The following RADIL variants were observed in gnomAD, a reference collection of about 807,000 sequenced individuals.
RADIL encodes Rap associating with DIL domain.
Under a neutral mutation model 97.6 loss-of-function variants are expected in RADIL, and 99 were observed. The observed-to-expected ratio is 1.01, with a 90% CI of 0.86 to 1.20. The LOEUF is 1.20. RADIL is among the 50% of genes most tolerant of loss of function. The pLI is 0.00. For synonymous variants in RADIL, 803 were observed against 691.8 expected, an observed-to-expected ratio of 1.16 and a Z score of -2.52; for missense variants, 1,765 against 1,498.9, an observed-to-expected ratio of 1.18 and a Z score of -2.93.
rs1783789256 is a variant in RADIL, at chr7:4,854,800, A to C, written c.536-18195T>G. Among the ~76,000 whole-genome samples the C allele has an allele frequency of 6.6e-6, 1 of 152,220 alleles. No homozygotes were observed. The highest frequency in any genetic ancestry group is 2.4e-5 in the African/African-American group (1 of 41,450). On this transcript the variant is annotated intron_variant, in intron 2 of 14. Coordinates refer to ENST00000399583, the MANE Select transcript of RADIL (RefSeq NM_018059.5). The surrounding 1 kb of genome is among the most constrained non-coding windows in gnomAD (Gnocchi z 5.1). ...TGTAACTTAGACTAATAACAAAATA[A>C]ACACCATTTCATCCACCACCCAACC...
intron 14 of RADIL, 66 bp from the exon 15 acceptor site, chr7:4,799,549 G>C: frequency 6.2e-7 from 1 of 1,611,850 alleles, no homozygotes; most frequent in Non-Finnish European, 8.5e-7. Flanking sequence ...GGGTGCAGCC[G>C]GGCCTCTCCT....
At chr7:4,810,704 C>T (rs1452084357) in intron 9 of RADIL, among the ~76,000 whole-genome samples, 6 of 152,194 alleles carry the variant, frequency 3.9e-5, no homozygotes, top group African/African-American at 9.7e-5. Flanking sequence ...CTTCAGCTGA[C>T]GCTGCCAGAC....
intron 2 of RADIL, chr7:4,861,387 C>A (rs1362725934): frequency 6.2e-7 from 1 of 1,614,082 alleles, no homozygotes; most frequent in African/African-American, 1.3e-5. Flanking sequence ...TTCACTTCCT[C>A]CTGTAGTTTC....
At chr7:4,827,969 T>C (rs1290556645) in intron 5 of RADIL, among the ~76,000 whole-genome samples, 2 of 151,320 alleles carry the variant, frequency 1.3e-5, no homozygotes, top group Non-Finnish European at 2.9e-5. Flanking sequence ...AAATCCTAAT[T>C]AAAAGATCAA....
chr7:4,861,890 G>T, intron 2 of RADIL: 1 of 1,044,260 alleles, frequency 9.6e-7, no homozygotes. Context: ...GATCCGCTGA[G>T]GCGGAAGGGC....
At chr7:4,869,017 T>C (rs1022422342) in intron 2 of RADIL, among the ~76,000 whole-genome samples, 1 of 152,134 alleles carries the variant, frequency 6.6e-6, no homozygotes, top group Admixed American at 6.6e-5. Context: ...ATCCCAGCTA[T>C]TCAGGAGGCT....
rs1385081309 is a variant in RADIL, at chr7:4,842,219, G to T, written c.536-5614C>A. 6.6e-6 allele frequency among the ~76,000 whole-genome samples: 1 copy of T among 152,154 alleles called. No individual in the cohort carries two copies. The highest frequency in any genetic ancestry group is 1.5e-5 in the Non-Finnish European group (1 of 68,020). Reference sequence around the variant, plus strand: ...GGGCGCCGGGGCAATGGGGAAGATGGGGATGGGACGGTCGTTGTTGACATC... The same window carrying T: ...GGGCGCCGGGGCAATGGGGAAGATGTGGATGGGACGGTCGTTGTTGACATC... On this transcript the variant is annotated intron_variant, in intron 2 of 14. Coordinates refer to ENST00000399583, the MANE Select transcript of RADIL (RefSeq NM_018059.5). The surrounding 1 kb of genome is among the most constrained non-coding windows in gnomAD (Gnocchi z 4.5).
At position 4,878,204 on chromosome 7, in the gene RADIL, C is replaced by T; in HGVS notation, c.-64-1G>A. 1.4e-6 allele frequency: 2 copies of T among 1,438,170 alleles called. No homozygotes were observed. The highest frequency in any genetic ancestry group is 1.8e-6 in the Non-Finnish European group (2 of 1,091,762). 89.1% of individuals were successfully genotyped at this position (1,438,170 alleles called of 1,614,324 possible). A position where few individuals can be genotyped will look rare whatever the true frequency, so the allele number is the denominator to read the frequency against. ...CCAAAGGATGTGGGGAGGCCGTGAC[C>T]TGGGTGAAAAAGTGAGAGAGGTTAG... On this transcript the variant is annotated splice_acceptor_variant, in intron 1 of 14. Transcript: ENST00000399583. LOFTEE classifies it low-confidence loss of function (5UTR_SPLICE). The surrounding 1 kb of genome is among the most constrained non-coding windows in gnomAD (Gnocchi z 4.1).
Position 4,817,259 on chromosome 7 carries a change from A to G in RADIL, c.1708T>C (p.Cys570Arg). ...TGCACCTTGGAGACATAGTAGACGC[A>G]CTGCTGGAAGGCGTACAGCACCACC... ...EEVVLYAFQQ[C>R]VYYVSKSLYI... is the part of the protein sequence containing the mutation. Residue 570 changes from cysteine to arginine, a missense_variant, in exon 7 of 15, where the codon TGC (cysteine) becomes CGC (arginine). Transcript: ENST00000399583. The surrounding 1 kb of genome is among the most constrained non-coding windows in gnomAD (Gnocchi z 8.3). 6.2e-7 allele frequency: 1 copy of G among 1,612,294 alleles called. No homozygotes were observed. Among genetic ancestry groups the G allele is most frequent in the Non-Finnish European group, 8.5e-7 (1 of 1,179,428 alleles).
chr7:4,848,719 T>C (rs1037067266), intron 2 of RADIL, among the ~76,000 whole-genome samples: 1 of 152,000 alleles, frequency 6.6e-6, no homozygotes, highest in Non-Finnish European at 1.5e-5. Context: ...GATCGGGCAA[T>C]AGGAATTGGA....
In RADIL at chr7:4,835,188, T is replaced by G. The variant is rs992039335; in HGVS notation, c.835A>C (p.Thr279Pro). 6.2e-7 allele frequency: 1 copy of G among 1,610,936 alleles called. No homozygotes were observed. The highest frequency in any genetic ancestry group is 8.5e-7 in the Non-Finnish European group (1 of 1,179,536). Residue 279 changes from threonine (T) to proline (P), a missense_variant, in exon 4 of 15, where the codon ACC becomes CCC. By Grantham distance (38) the Thr-to-Pro change is conservative. Transcript: ENST00000399583. This position sits in a 1 kb window ranked among gnomAD's most constrained non-coding sequence, Gnocchi z 5.8. ...CTGATGCTGGGCTTGCTGGAGGGGG[T>G]CCGCTGGCCCACCGTGTGCCGGTCC... is the stretch of plus-strand genomic sequence containing the variant. Reference protein sequence around the residue: ...NRDRHTVGQRTPSSKPSISLS... With the variant: ...NRDRHTVGQRPPSSKPSISLS...
chr7:4,841,143 T>G (rs1783429114), intron 2 of RADIL, among the ~76,000 whole-genome samples: 1 of 152,246 alleles, frequency 6.6e-6, no homozygotes, highest in Non-Finnish European at 1.5e-5. Context: ...ACCTCCAGGC[T>G]GCAAGCCAGA....
chr7:4,876,827 G>T (rs941983268), intron 2 of RADIL, among the ~76,000 whole-genome samples: 1 of 152,158 alleles, frequency 6.6e-6, no homozygotes, highest in Admixed American at 6.5e-5. Flanking sequence ...ACAGACCCGC[G>T]GTACGCTGAG....
chr7:4,829,872 C>A (rs754806406), intron 5 of RADIL, among the ~76,000 whole-genome samples: 5 of 152,158 alleles, frequency 3.3e-5, no homozygotes, highest in Admixed American at 6.5e-5. Flanking sequence ...AACCTGTTTC[C>A]TTTATAAATT....
chr7:4,880,502 A>G lies in RADIL; in HGVS notation c.-64-2299T>C, dbSNP rs1246057718. ...AATCACAGAACAAAACCCCTCAAAGAGCCTCTCCAGCCGGCACTTATTAAC... is the reference window on the plus strand; with the variant it reads ...AATCACAGAACAAAACCCCTCAAAGGGCCTCTCCAGCCGGCACTTATTAAC... On this transcript the variant is annotated intron_variant, in intron 1 of 14. Transcript: ENST00000399583. This position sits in a 1 kb window ranked among gnomAD's most constrained non-coding sequence, Gnocchi z 4.5. 6.6e-6 allele frequency among the ~76,000 whole-genome samples: 1 copy of G among 152,132 alleles called. No individual in the cohort carries two copies. Among genetic ancestry groups the G allele is most frequent in the Non-Finnish European group, 1.5e-5 (1 of 68,028 alleles).
At position 4,872,178 on chromosome 7, in the gene RADIL, G is replaced by A. The variant is rs1784271995; in HGVS notation, c.535+5427C>T. On this transcript the variant is annotated intron_variant, in intron 2 of 14. Coordinates refer to ENST00000399583, the MANE Select transcript of RADIL (RefSeq NM_018059.5). This position sits in a 1 kb window ranked among gnomAD's most constrained non-coding sequence, Gnocchi z 5.8. ...CGTGTGGCCGAGTCCAGGCAGCCAG[G>A]TCCAATACTGCAGCTCTCAATAGAG... 6.6e-6 allele frequency among the ~76,000 whole-genome samples: 1 copy of A among 152,300 alleles called. No individual in the cohort carries two copies. The highest frequency in any genetic ancestry group is 1.5e-5 in the Non-Finnish European group (1 of 68,030).
At chr7:4,811,281 G>T (rs57839509) in intron 9 of RADIL, 1 of 152,156 alleles carries the variant, frequency 6.6e-6, no homozygotes, top group Non-Finnish European at 1.5e-5. Context: ...CAATACACTC[G>T]GACCAGCCTG....
rs1478066992 is a variant in RADIL at position 4,867,176 on chromosome 7, G to GAGCCT, written c.535+10424_535+10428dup. Among the ~76,000 whole-genome samples the GAGCCT allele has an allele frequency of 2.0e-5, 3 of 152,238 alleles. No individual in the cohort carries two copies. In the East Asian group the frequency reaches 5.8e-4, roughly 29 times the overall value. On this transcript the variant is annotated intron_variant, in intron 2 of 14. Transcript: ENST00000399583. The surrounding 1 kb of genome is among the most constrained non-coding windows in gnomAD (Gnocchi z 4.1). Reference sequence around the variant, plus strand: ...TGGCAACAAGAAATGGACTAAAGCAGAGCCTAAAGGTGTTGAGGGGCACAC... The same window carrying GAGCCT: ...TGGCAACAAGAAATGGACTAAAGCAGAGCCTAGCCTAAAGGTGTTGAGGGGCACAC...
intron 9 of RADIL, chr7:4,809,517 G>C (rs1782474697): frequency 1.0e-6 from 1 of 985,254 alleles, no homozygotes; most frequent in Non-Finnish European, 1.2e-6. Flanking sequence ...GAACAAGAAC[G>C]TGGGCGGCGG....
Sources: allele counts gnomAD v4.1 joint callset (sites outside exome capture counted in the v4.1 genomes callset), GRCh38; gene constraint gnomAD v4.1.1; non-coding constraint Gnocchi (gnomAD v3.1); transcripts MANE v1.5; gene names NCBI Gene and HGNC (gene_info 2026-07-23, HGNC 2026-07-21).